CCDC172: variants seen among roughly 807,000 people sequenced by gnomAD.
CCDC172 encodes coiled-coil domain-containing protein 172.
In CCDC172, 30 loss-of-function variants were observed where a neutral mutation model predicts 38.0. The observed-to-expected ratio is 0.79, with a 90% CI of 0.59 to 1.07. CCDC172 has a LOEUF of 1.07. CCDC172 is among the 50% of genes least tolerant of loss of function. CCDC172 has a pLI of 0.00. For missense variants in CCDC172, 297 were observed against 290.1 expected (o/e 1.02, Z -0.17); for synonymous variants, 78 against 88.3 (o/e 0.88, Z 0.66).
intron 7 of CCDC172, among the ~76,000 whole-genome samples, chr10:116,374,849 T>A (rs1845226952): frequency 6.6e-6 from 1 of 151,648 alleles, no homozygotes; most frequent in African/African-American, 2.4e-5. Flanking sequence ...AAATATATGG[T>A]TTCCACAAGA....
intron 7 of CCDC172, among the ~76,000 whole-genome samples, chr10:116,366,801 G>C (rs1757688452): frequency 6.6e-6 from 1 of 152,168 alleles, no homozygotes; most frequent in South Asian, 2.1e-4. Context: ...GAAATTTCCT[G>C]TTGATCTCCA....
chr10:116,376,505 A>G (rs1442228839), intron 7 of CCDC172, among the ~76,000 whole-genome samples: 1 of 152,222 alleles, frequency 6.6e-6, no homozygotes, highest in Non-Finnish European at 1.5e-5. Flanking sequence ...AATGCCAGAA[A>G]TGGAAAACTT....
chr10:116,337,644 AAAAT>A (rs1844747659), intron 3 of CCDC172, among the ~76,000 whole-genome samples: 2 of 152,172 alleles, frequency 1.3e-5, no homozygotes, highest in South Asian at 4.1e-4. Context: ...TGTTTACTAT[AAAAT>A]AAATGTTCAA....
chr10:116,333,733 G>A (rs561258458), intron 3 of CCDC172, among the ~76,000 whole-genome samples: 2 of 152,232 alleles, frequency 1.3e-5, no homozygotes, highest in South Asian at 2.1e-4. Context: ...TTACTGTCTC[G>A]CTGAGATGAG....
intron 7 of CCDC172, 69 bp from the exon 8 acceptor site, chr10:116,378,354 C>T (rs1310336025): frequency 3.5e-6 from 5 of 1,418,322 alleles, no homozygotes; most frequent in Non-Finnish European, 4.7e-6. Context: ...ACAAACTTGT[C>T]CCTCTCTGTG....
intron 7 of CCDC172, among the ~76,000 whole-genome samples, chr10:116,364,068 A>C (rs1051999513): frequency 1.3e-5 from 2 of 152,212 alleles, no homozygotes; most frequent in Non-Finnish European, 2.9e-5. Flanking sequence ...TAAAAAATCA[A>C]CTGATAAAAA....
chr10:116,356,627 A>C lies in CCDC172; in HGVS notation c.449-753A>C. On this transcript the variant is annotated intron_variant, in intron 5 of 8. Coordinates refer to ENST00000333254, the MANE Select transcript of CCDC172 (RefSeq NM_198515.3). ...GTTCCAGAAATTATGGCAGAAGAGA[A>C]AGAATATTTGAAAATTTAGGAGATG... Among the ~76,000 whole-genome samples the C allele has an allele frequency of 1.3e-5, 2 of 152,182 alleles. 1 individual carries two copies. Among genetic ancestry groups the C allele is most frequent in the South Asian group, 4.1e-4 (2 of 4,828 alleles).
intron 1 of CCDC172, 96 bp from the exon 2 acceptor site, chr10:116,324,851 G>A: frequency 1.6e-6 from 1 of 634,028 alleles, no homozygotes; most frequent in East Asian, 2.7e-5. Flanking sequence ...CTGGCGTCGG[G>A]CTCCATCTTC....
chr10:116,356,463 G>A (rs1020193233), intron 5 of CCDC172, among the ~76,000 whole-genome samples: 2 of 151,884 alleles, frequency 1.3e-5, no homozygotes, highest in South Asian at 2.1e-4. Context: ...ATCAGAGGCC[G>A]CAGAAGAAGA....
At chr10:116,351,815 TGG>T (rs1457555055) in intron 5 of CCDC172, among the ~76,000 whole-genome samples, 1 of 152,104 alleles carries the variant, frequency 6.6e-6, no homozygotes, top group Non-Finnish European at 1.5e-5. Context: ...ATAGTAGCAC[TGG>T]GAGGAGGAAC....
At chr10:116,344,668 T>G (rs1299744992) in intron 5 of CCDC172, among the ~76,000 whole-genome samples, 1 of 152,136 alleles carries the variant, frequency 6.6e-6, no homozygotes, top group Non-Finnish European at 1.5e-5. Flanking sequence ...GTAAAAAGAA[T>G]TTTTCTTCCA....
chr10:116,348,438 G>T (rs893634784), intron 5 of CCDC172, among the ~76,000 whole-genome samples: 2 of 151,684 alleles, frequency 1.3e-5, no homozygotes, highest in Non-Finnish European at 2.9e-5. Flanking sequence ...GTTTCATTGG[G>T]TTTTGAATAA....
intron 7 of CCDC172, among the ~76,000 whole-genome samples, chr10:116,363,931 CAA>C (rs5788159): frequency 2.5e-4 from 37 of 145,530 alleles, no homozygotes; most frequent in African/African-American, 5.9e-4. Context: ...GACTTGGTCT[CAA>C]AAAAAAAAAA....
intron 3 of CCDC172, among the ~76,000 whole-genome samples, chr10:116,331,636 T>A (rs1221266204): frequency 6.6e-6 from 1 of 152,196 alleles, no homozygotes; most frequent in Non-Finnish European, 1.5e-5. Flanking sequence ...CCTTGAATTC[T>A]ACTTGTTTGA....
chr10:116,324,868 G>C, intron 1 of CCDC172, 79 bp from the exon 2 acceptor site: 3 of 671,820 alleles, frequency 4.5e-6, no homozygotes, highest in South Asian at 1.8e-5. Context: ...CTTCTTGCTG[G>C]GCTGGCGACA....
intron 6 of CCDC172, 124 bp from the exon 7 acceptor site, chr10:116,357,712 A>T (rs1845016193): frequency 1.5e-6 from 1 of 683,634 alleles, no homozygotes; most frequent in Non-Finnish European, 2.4e-6. Flanking sequence ...TAGAAAATAA[A>T]AATCATTAGT....
chr10:116,359,610 A>G (rs1025344673), intron 7 of CCDC172, among the ~76,000 whole-genome samples: 1 of 152,194 alleles, frequency 6.6e-6, no homozygotes, highest in Non-Finnish European at 1.5e-5. Context: ...AAATGTCTCC[A>G]GACATTGCAA....
rs147981632 is a variant in CCDC172, at chr10:116,340,879, A to G, written c.282+29A>G. 1.9e-4 allele frequency: 214 copies of G among 1,127,918 alleles called. No individual in the cohort carries two copies. The African/African-American group carries it at 2.7e-3, about 14-fold the overall frequency. 69.9% of individuals were successfully genotyped at this position (1,127,918 alleles called of 1,614,324 possible). ...AGTTTCCAGCCACCTAGAAAAATCT[A>G]TTTCACTAATATGTAAAAAAGTATT... On this transcript the variant is annotated intron_variant, in intron 4 of 8. Coordinates refer to ENST00000333254, the MANE Select transcript of CCDC172 (RefSeq NM_198515.3).
Position 116,340,823 on chromosome 10 carries a change from C to A in CCDC172, c.255C>A (p.Asn85Lys). 1 of 1,584,130 alleles carries A rather than the reference C, an allele frequency of 6.3e-7. No individual in the cohort carries two copies. The highest frequency in any genetic ancestry group is 8.7e-7 in the Non-Finnish European group (1 of 1,155,430). The change falls in exon 4 of 9, where the codon AAC becomes AAA. Residue 85 changes from asparagine to lysine, a missense_variant. Transcript: ENST00000333254. Reference protein sequence around the residue: ...ALEKQYSEITNHRNMLLQTFE... With the variant: ...ALEKQYSEITKHRNMLLQTFE... The stretch of plus-strand genomic sequence containing the variant: ...AAAAACAGTACAGTGAAATTACAAA[C>A]CATAGGAATATGCTTCTTCAAACCT...
Sources: gnomAD v4.1 joint callset for allele counts (sites outside exome capture counted in the v4.1 genomes callset) on GRCh38, gnomAD v4.1.1 for gene constraint, MANE v1.5 for transcripts, NCBI Gene and HGNC (gene_info 2026-07-23, HGNC 2026-07-21) for gene names.